Variants in DNAH14 observed in about 807,000 individuals in gnomAD.
The protein encoded by DNAH14 is axonemal beta dynein heavy chain 14.
Under a neutral mutation model 520.9 loss-of-function variants are expected in DNAH14, and 478 were observed. That is an observed-to-expected ratio of 0.92 (90% confidence interval 0.85 to 0.99). The LOEUF (loss-of-function observed/expected upper bound fraction) is 0.99. Among genes scored for constraint, DNAH14 ranks in the 50% least tolerant of loss-of-function variants. DNAH14 has a pLI of 0.00. For synonymous variants in DNAH14, 1,581 were observed against 1,757.2 expected (o/e 0.90, Z 2.51); for missense variants, 4,831 against 5,234.5 (o/e 0.92, Z 2.38).
chr1:225,336,867 C>A (rs2095067188), intron 66 of DNAH14, among the ~76,000 whole-genome samples: 2 of 152,018 alleles, frequency 1.3e-5, no homozygotes, highest in African/African-American at 4.8e-5. Context: ...GTGTGGTTGG[C>A]AGTTGGTAGG....
intron 58 of DNAH14, among the ~76,000 whole-genome samples, chr1:225,305,664 A>T (rs1386293605): frequency 6.6e-6 from 1 of 152,186 alleles, no homozygotes; most frequent in Non-Finnish European, 1.5e-5. Context: ...TTCTAGAAAG[A>T]TCAGGGGTGT....
intron 26 of DNAH14, among the ~76,000 whole-genome samples, chr1:225,122,332 C>T (rs2077365079): frequency 6.6e-6 from 1 of 152,154 alleles, no homozygotes; most frequent in African/African-American, 2.4e-5. Context: ...GTGGTTGCAA[C>T]TGACAAGCAG....
intron 31 of DNAH14, among the ~76,000 whole-genome samples, chr1:225,147,580 CT>C (rs2080068805): frequency 6.6e-6 from 1 of 152,048 alleles, no homozygotes; most frequent in South Asian, 2.1e-4. Context: ...ATCTTTTTAT[CT>C]TAGAATATTG....
In DNAH14 at chr1:225,335,210, TG is replaced by T. The variant is rs1412874925; in HGVS notation, c.10080+1705del. 6.1e-3 allele frequency among the ~76,000 whole-genome samples: 868 copies of T among 141,266 alleles called. 14 individuals are homozygous for T. Among genetic ancestry groups the T allele is most frequent in the Non-Finnish European group, 9.0e-3 (559 of 62,392 alleles). The allele number at this position is 141,266 out of a possible 152,430, so 92.7% of individuals were successfully genotyped here. ...GTGTGTATATATGCACACACGTACA[TG>T]TGTGTATATATGCACATATACACAT... On this transcript the variant is annotated intron_variant, in intron 66 of 85. Transcript: ENST00000682510.
intron 79 of DNAH14, among the ~76,000 whole-genome samples, chr1:225,378,161 CT>C (rs887994353): frequency 1.3e-5 from 2 of 151,928 alleles, no homozygotes; most frequent in Non-Finnish European, 2.9e-5. Context: ...TAAGGAAATG[CT>C]TTTAATAAAC....
intron 41 of DNAH14, among the ~76,000 whole-genome samples, chr1:225,222,392 C>T (rs1432321203): frequency 3.3e-5 from 5 of 152,098 alleles, no homozygotes; most frequent in African/African-American, 4.8e-5. Context: ...AGAATGAAGC[C>T]GTGGACCTTC....
At chr1:225,147,075 A>G (rs960824458) in intron 30 of DNAH14, 29 bp from the exon 31 acceptor site, 7 of 1,451,820 alleles carry the variant, frequency 4.8e-6, no homozygotes, top group Non-Finnish European at 6.5e-6. Context: ...TAATAATTTT[A>G]GTAATCAATC....
intron 69 of DNAH14, among the ~76,000 whole-genome samples, chr1:225,345,708 T>A (rs2150418172): frequency 6.6e-6 from 1 of 152,230 alleles, no homozygotes; most frequent in East Asian, 1.9e-4. Flanking sequence ...GTAAAAAAAA[T>A]AGGATCCACC....
chr1:225,276,985 GGGAGGGAGGA>G (rs1558241743), intron 53 of DNAH14, among the ~76,000 whole-genome samples: 1 of 29,402 alleles, frequency 3.4e-5, no homozygotes, highest in Non-Finnish European at 6.2e-5. Flanking sequence ...AAGGAAGGAA[GGGAGGGAGGA>G]AGGAAGGGAG....
intron 28 of DNAH14, among the ~76,000 whole-genome samples, chr1:225,143,505 G>T (rs1276064871): frequency 1.3e-5 from 2 of 151,924 alleles, no homozygotes; most frequent in African/African-American, 4.8e-5. Context: ...GGCTCACAAG[G>T]ATATACACAC....
At chr1:225,376,887 G>T (rs2095707746) in intron 78 of DNAH14, among the ~76,000 whole-genome samples, 2 of 151,530 alleles carry the variant, frequency 1.3e-5, no homozygotes. Flanking sequence ...CCTTCTATAG[G>T]TTTCACTAAA....
At chr1:225,260,241 A>G (rs1295008402) in intron 46 of DNAH14, among the ~76,000 whole-genome samples, 2 of 151,724 alleles carry the variant, frequency 1.3e-5, no homozygotes, top group East Asian at 3.9e-4. Flanking sequence ...AATCCCAGCT[A>G]CTCGGAAGAC....
At chr1:224,980,621 G>A (rs1017288360) in intron 8 of DNAH14, among the ~76,000 whole-genome samples, 3 of 152,180 alleles carry the variant, frequency 2.0e-5, no homozygotes, top group African/African-American at 7.2e-5. Context: ...TGGAGCCCTA[G>A]GTTCTTGAGT....
chr1:225,018,032 A>T (rs764599984), intron 10 of DNAH14, among the ~76,000 whole-genome samples: 3 of 152,148 alleles, frequency 2.0e-5, no homozygotes, highest in Admixed American at 6.5e-5. Context: ...CCAAATAATC[A>T]CACTAGCTCT....
intron 17 of DNAH14, among the ~76,000 whole-genome samples, chr1:225,064,310 A>G (rs1486293940): frequency 1.3e-5 from 2 of 152,066 alleles, no homozygotes; most frequent in Admixed American, 6.5e-5. Flanking sequence ...TAGAATTTTC[A>G]TACATTGCAG....
chr1:225,079,834 C>T (rs893181608), intron 18 of DNAH14, among the ~76,000 whole-genome samples: 16 of 151,808 alleles, frequency 1.1e-4, no homozygotes, highest in Non-Finnish European at 2.2e-4. Flanking sequence ...CCACCACGCC[C>T]GGCTAATTTT....
intron 46 of DNAH14, among the ~76,000 whole-genome samples, chr1:225,262,392 G>A (rs1046078589): frequency 7.2e-5 from 11 of 151,894 alleles, no homozygotes; most frequent in Admixed American, 7.2e-4. Flanking sequence ...TTTGCCTTTG[G>A]TGTCTTAATC....
intron 41 of DNAH14, among the ~76,000 whole-genome samples, chr1:225,210,935 C>A (rs538435599): frequency 2.0e-5 from 3 of 152,314 alleles, no homozygotes; most frequent in East Asian, 1.9e-4. Context: ...GGAAAACTAA[C>A]AAACAGAAAG....
chr1:224,968,431 C>T (rs1392123856), intron 6 of DNAH14, among the ~76,000 whole-genome samples: 1 of 152,076 alleles, frequency 6.6e-6, no homozygotes, highest in Admixed American at 6.6e-5. Context: ...TTCATAAATA[C>T]TACTTTTATA....
Sources: allele counts gnomAD v4.1 joint callset (sites outside exome capture counted in the v4.1 genomes callset), GRCh38; gene constraint gnomAD v4.1.1; transcripts MANE v1.5; gene names NCBI Gene and HGNC (gene_info 2026-07-23, HGNC 2026-07-21).